PARD3: variants seen among roughly 807,000 people sequenced by gnomAD.
PARD3 encodes the protein par-3 family cell polarity regulator.
A neutral mutation model predicts 155.4 loss-of-function variants in PARD3; 75 were observed. That is an observed-to-expected ratio of 0.48 (90% CI 0.40 to 0.58). PARD3 has a LOEUF of 0.58. Among genes scored for constraint, PARD3 ranks in the 20% least tolerant of loss-of-function variants. The pLI, the probability that PARD3 is intolerant of heterozygous loss-of-function variation, is 0.00. For missense variants in PARD3, 1,642 were observed against 1,721.7 expected, an observed-to-expected ratio of 0.95 and a Z score of 0.82; for synonymous variants, 576 against 610.5, an observed-to-expected ratio of 0.94 and a Z score of 0.83.
chr10:34,286,370 T>C (rs1956390424), intron 20 of PARD3, among the ~76,000 whole-genome samples: 1 of 150,466 alleles, frequency 6.6e-6, no homozygotes. Flanking sequence ...CGAATTAGCA[T>C]ATAACAACAT....
chr10:34,125,318 G>C (rs972166542), intron 23 of PARD3, among the ~76,000 whole-genome samples: 26 of 152,112 alleles, frequency 1.7e-4, no homozygotes, highest in Non-Finnish European at 3.4e-4. Context: ...ACCCACCTGG[G>C]CCTCCCAAAG....
chr10:34,279,296 C>G (rs1429039195), intron 21 of PARD3, among the ~76,000 whole-genome samples: 2 of 152,064 alleles, frequency 1.3e-5, no homozygotes, highest in East Asian at 3.9e-4. Context: ...GTTAGGATTA[C>G]AGGTGTGAGC....
chr10:34,472,468 A>T (rs1364743070), intron 3 of PARD3, among the ~76,000 whole-genome samples: 1 of 152,234 alleles, frequency 6.6e-6, no homozygotes, highest in African/African-American at 2.4e-5. Context: ...AGAATCATCA[A>T]ATTAAAAACT....
At chr10:34,208,906 T>C (rs964601396) in intron 22 of PARD3, among the ~76,000 whole-genome samples, 4 of 152,226 alleles carry the variant, frequency 2.6e-5, no homozygotes, top group Admixed American at 6.5e-5. Flanking sequence ...TTGAAACCTC[T>C]ATAAATAAAC....
intron 22 of PARD3, among the ~76,000 whole-genome samples, chr10:34,219,673 CT>C (rs1952181590): frequency 6.6e-6 from 1 of 152,196 alleles, no homozygotes; most frequent in Non-Finnish European, 1.5e-5. Context: ...AGCCTGCCCC[CT>C]GGTTTTGATG....
chr10:34,156,947 G>A (rs1266689249), intron 22 of PARD3, among the ~76,000 whole-genome samples: 2 of 152,084 alleles, frequency 1.3e-5, no homozygotes, highest in Admixed American at 1.3e-4. Context: ...GTGGAAAAAA[G>A]GAGGGGAAAA....
chr10:34,706,868 G>A (rs2061494822), intron 1 of PARD3, among the ~76,000 whole-genome samples: 1 of 152,164 alleles, frequency 6.6e-6, no homozygotes, highest in Non-Finnish European at 1.5e-5. Context: ...AGCACTTTGG[G>A]AGGGTGGGGC....
chr10:34,330,991 T>C, intron 19 of PARD3, 126 bp downstream of exon 19: 1 of 675,018 alleles, frequency 1.5e-6, no homozygotes, highest in Admixed American at 2.8e-5. Context: ...AATAAGAGAT[T>C]ATTAGACCTC....
At chr10:34,472,043 G>A (rs1648538735) in intron 3 of PARD3, among the ~76,000 whole-genome samples, 1 of 152,162 alleles carries the variant, frequency 6.6e-6, no homozygotes, top group South Asian at 2.1e-4. Context: ...CAATGTGAAA[G>A]CAAATTAGAA....
At chr10:34,585,324 G>C (rs2087908564) in intron 2 of PARD3, among the ~76,000 whole-genome samples, 1 of 152,010 alleles carries the variant, frequency 6.6e-6, no homozygotes, top group Non-Finnish European at 1.5e-5. Flanking sequence ...TCAGGTTTTT[G>C]TATGATGATT....
intron 22 of PARD3, among the ~76,000 whole-genome samples, chr10:34,266,280 T>C (rs989609961): frequency 1.4e-4 from 21 of 152,216 alleles, no homozygotes; most frequent in African/African-American, 5.1e-4. Context: ...CTTTTCTATG[T>C]AGCTTTCTCT....
chr10:34,402,900 C>T (rs1337689704), intron 5 of PARD3, among the ~76,000 whole-genome samples: 1 of 152,138 alleles, frequency 6.6e-6, no homozygotes, highest in Non-Finnish European at 1.5e-5. Flanking sequence ...CGGCCACTGT[C>T]TTTTCATTAA....
intron 2 of PARD3, among the ~76,000 whole-genome samples, chr10:34,594,896 C>G (rs1298284501): frequency 6.6e-6 from 1 of 152,154 alleles, no homozygotes; most frequent in Non-Finnish European, 1.5e-5. Flanking sequence ...GTTTTGGCAT[C>G]TCCAGTGTGG....
intron 5 of PARD3, among the ~76,000 whole-genome samples, chr10:34,442,790 G>T (rs1564718561): frequency 1.3e-5 from 2 of 152,198 alleles, no homozygotes; most frequent in Non-Finnish European, 2.9e-5. Context: ...ACGATTGCTT[G>T]AGCACAGAAG....
intron 22 of PARD3, among the ~76,000 whole-genome samples, chr10:34,225,288 C>T (rs1263198386): frequency 1.3e-5 from 2 of 151,740 alleles, no homozygotes; most frequent in Non-Finnish European, 2.9e-5. Context: ...CTTAAATATC[C>T]AAGATGGGTT....
chr10:34,699,981 A>G (rs2094244025), intron 1 of PARD3, among the ~76,000 whole-genome samples: 1 of 152,274 alleles, frequency 6.6e-6, no homozygotes, highest in East Asian at 1.9e-4. Flanking sequence ...ACATGACAGA[A>G]CATTCAACTA....
intron 3 of PARD3, among the ~76,000 whole-genome samples, chr10:34,494,807 T>C (rs2080162525): frequency 6.6e-6 from 1 of 152,184 alleles, no homozygotes; most frequent in African/African-American, 2.4e-5. Context: ...AAGGTCCCCA[T>C]TTGTTTTCCA....
intron 20 of PARD3, chr10:34,312,291 A>T (rs1589141355): frequency 8.8e-6 from 14 of 1,598,180 alleles, no homozygotes; most frequent in Non-Finnish European, 1.2e-5. Flanking sequence ...TTGTTTGTTT[A>T]AAAAAAACAA....
intron 1 of PARD3, among the ~76,000 whole-genome samples, chr10:34,791,273 C>G (rs1185985404): frequency 6.6e-6 from 1 of 152,148 alleles, no homozygotes; most frequent in Non-Finnish European, 1.5e-5. Flanking sequence ...CCTGACAGTC[C>G]CAGGTAGAAG....
Sources: gnomAD v4.1 joint callset for allele counts (sites outside exome capture counted in the v4.1 genomes callset) on GRCh38, gnomAD v4.1.1 for gene constraint, MANE v1.5 for transcripts, NCBI Gene and HGNC (gene_info 2026-07-23, HGNC 2026-07-21) for gene names.